NDST4: variants seen among roughly 807,000 people sequenced by gnomAD.
The protein encoded by NDST4 is N-heparan sulfate sulfotransferase 4.
In NDST4, 63 loss-of-function variants were observed where a neutral mutation model predicts 100.8. The ratio of observed to expected loss-of-function variants is 0.62; its 90% confidence interval spans 0.51 to 0.77. The LOEUF is 0.77. NDST4 is among the 30% of genes least tolerant of loss of function. The pLI is 0.00. For synonymous variants in NDST4, 377 were observed against 361.8 expected, an observed-to-expected ratio of 1.04 and a Z score of -0.48; for missense variants, 943 against 1,018.4, an observed-to-expected ratio of 0.93 and a Z score of 1.01.
At chr4:114,842,476 G>GA (rs1204569231) in intron 10 of NDST4, among the ~76,000 whole-genome samples, 1 of 150,742 alleles carries the variant, frequency 6.6e-6, no homozygotes, top group Non-Finnish European at 1.5e-5. Flanking sequence ...ATCAGCAAAA[G>GA]AAAAAAAAGA....
intron 6 of NDST4, among the ~76,000 whole-genome samples, chr4:114,913,748 A>C (rs1361319207): frequency 1.4e-5 from 2 of 142,360 alleles, no homozygotes; most frequent in Non-Finnish European, 3.0e-5. Context: ...AAAAAAAAAA[A>C]AACACTTTTA....
chr4:115,041,415 C>G (rs1332781308), intron 2 of NDST4, among the ~76,000 whole-genome samples: 1 of 151,920 alleles, frequency 6.6e-6, no homozygotes, highest in Non-Finnish European at 1.5e-5. Context: ...CCTCAGCCTT[C>G]CAGAAAAATG....
chr4:114,990,834 C>T (rs967896777), intron 2 of NDST4, among the ~76,000 whole-genome samples: 1 of 152,058 alleles, frequency 6.6e-6, no homozygotes, highest in Non-Finnish European at 1.5e-5. Context: ...TGACAGTAAA[C>T]ATTTGATTCT....
intron 1 of NDST4, among the ~76,000 whole-genome samples, chr4:115,108,012 T>C (rs1003938429): frequency 3.9e-5 from 6 of 152,026 alleles, no homozygotes; most frequent in Non-Finnish European, 7.4e-5. Flanking sequence ...AAGTTGGTAG[T>C]ATAATTTATT....
At chr4:115,047,746 G>T (rs569442184) in intron 2 of NDST4, among the ~76,000 whole-genome samples, 1 of 152,084 alleles carries the variant, frequency 6.6e-6, no homozygotes, top group African/African-American at 2.4e-5. Context: ...GAAGTTAATT[G>T]AGTCAAATCT....
intron 10 of NDST4, among the ~76,000 whole-genome samples, chr4:114,844,221 T>G (rs553997668): frequency 1.2e-4 from 18 of 152,362 alleles, no homozygotes; most frequent in African/African-American, 4.3e-4. Context: ...CAAGTGTGAT[T>G]TCTCCAAAGA....
At chr4:114,990,875 T>C (rs1157529308) in intron 2 of NDST4, among the ~76,000 whole-genome samples, 1 of 152,072 alleles carries the variant, frequency 6.6e-6, no homozygotes, top group African/African-American at 2.4e-5. Context: ...GGCATTTCGC[T>C]GTGCCATATT....
intron 2 of NDST4, among the ~76,000 whole-genome samples, chr4:115,010,742 G>T (rs1727525134): frequency 6.6e-6 from 1 of 152,024 alleles, no homozygotes; most frequent in Non-Finnish European, 1.5e-5. Flanking sequence ...TAAAGCGATT[G>T]TAGGATTATA....
At chr4:115,054,195 C>T (rs1409517172) in intron 2 of NDST4, among the ~76,000 whole-genome samples, 1 of 151,744 alleles carries the variant, frequency 6.6e-6, no homozygotes, top group Non-Finnish European at 1.5e-5. Flanking sequence ...ATATGGCAGG[C>T]TTATTTTCAA....
intron 10 of NDST4, among the ~76,000 whole-genome samples, chr4:114,841,779 G>A (rs1383650562): frequency 6.6e-6 from 1 of 152,136 alleles, no homozygotes; most frequent in East Asian, 1.9e-4. Flanking sequence ...TACCTTGTGG[G>A]AAATACTGAC....
chr4:114,970,401 C>T (rs1726484467), intron 4 of NDST4, 29 bp downstream of exon 4: 1 of 1,591,570 alleles, frequency 6.3e-7, no homozygotes, highest in South Asian at 1.1e-5. Flanking sequence ...ACTTATAGTT[C>T]AAAAGATACC....
chr4:114,958,738 T>C (rs1022434377), intron 4 of NDST4, among the ~76,000 whole-genome samples: 3 of 152,180 alleles, frequency 2.0e-5, no homozygotes, highest in African/African-American at 4.8e-5. Context: ...TGATTAGCAT[T>C]TGGTTCCTTG....
intron 1 of NDST4, among the ~76,000 whole-genome samples, chr4:115,111,015 C>A (rs1316542339): frequency 6.6e-6 from 1 of 151,940 alleles, no homozygotes; most frequent in Non-Finnish European, 1.5e-5. Flanking sequence ...GAAGGCAGCA[C>A]CAGCCAGAAT....
intron 6 of NDST4, among the ~76,000 whole-genome samples, chr4:114,895,715 C>T (rs895855619): frequency 6.6e-6 from 1 of 152,092 alleles, no homozygotes; most frequent in East Asian, 1.9e-4. Context: ...CCCTGATGAA[C>T]ATTGATGTGA....
intron 2 of NDST4, among the ~76,000 whole-genome samples, chr4:114,978,034 T>C (rs746847810): frequency 3.3e-5 from 5 of 151,992 alleles, no homozygotes; most frequent in Non-Finnish European, 7.4e-5. Context: ...TCACCGCCAT[T>C]ATTCCTATGT....
intron 12 of NDST4, among the ~76,000 whole-genome samples, chr4:114,833,078 A>T (rs1723236398): frequency 6.6e-6 from 1 of 152,242 alleles, no homozygotes; most frequent in Admixed American, 6.5e-5. Context: ...TGAGCATAAT[A>T]AAATAATGGT....
At chr4:114,879,626 C>T (rs1310459540) in intron 6 of NDST4, among the ~76,000 whole-genome samples, 1 of 152,116 alleles carries the variant, frequency 6.6e-6, no homozygotes, top group Non-Finnish European at 1.5e-5. Flanking sequence ...TTGTTTACTG[C>T]TGTATCTTCA....
intron 2 of NDST4, among the ~76,000 whole-genome samples, chr4:114,998,542 A>G (rs1727214495): frequency 6.6e-6 from 1 of 152,108 alleles, no homozygotes; most frequent in African/African-American, 2.4e-5. Context: ...AAAAGAAAAC[A>G]GATTCTGGGC....
chr4:114,920,576 A>G (rs753211459), intron 6 of NDST4, among the ~76,000 whole-genome samples: 1 of 152,178 alleles, frequency 6.6e-6, no homozygotes, highest in Non-Finnish European at 1.5e-5. Flanking sequence ...TCAAGGAAAC[A>G]CTTCATGCTT....
Sources: gnomAD v4.1 joint callset for allele counts (sites outside exome capture counted in the v4.1 genomes callset) on GRCh38, gnomAD v4.1.1 for gene constraint, MANE v1.5 for transcripts, NCBI Gene and HGNC (gene_info 2026-07-23, HGNC 2026-07-21) for gene names.